The following ICA1 variants were observed in gnomAD, a reference collection of about 807,000 sequenced individuals.
ICA1 encodes 69 kDa islet cell autoantigen.
In ICA1, 40 loss-of-function variants were observed where a neutral mutation model predicts 71.0. The observed-to-expected ratio is 0.56, with a 90% CI of 0.44 to 0.73. ICA1 has a LOEUF of 0.73. Ranked by LOEUF, ICA1 falls within the 30% of genes least tolerant of loss-of-function variation. The pLI, the probability that ICA1 is intolerant of heterozygous loss-of-function variation, is 0.00. For synonymous variants in ICA1, 207 were observed against 209.5 expected (o/e 0.99, Z 0.10); for missense variants, 578 against 576.5 (o/e 1.00, Z -0.03).
Position 8,143,990 on chromosome 7 carries a change from GA to G in ICA1, c.805-19del. ...TGTAAGCTCTTGATCACGAGCCATA[GA>G]AAAATGAAAAAGAAAAAAAAAGAAG... On this transcript the variant is annotated intron_variant, in intron 8 of 13. Coordinates refer to ENST00000402384, the MANE Select transcript of ICA1 (RefSeq NM_001136020.3). The G allele has an allele frequency of 8.4e-7, 1 of 1,195,670 alleles. No homozygotes were observed. The highest frequency in any genetic ancestry group is 1.6e-5 in the African/African-American group (1 of 62,814). 74.1% of individuals were successfully genotyped at this position (1,195,670 alleles called of 1,614,324 possible).
At chr7:8,213,467 G>C (rs1290112419) in intron 6 of ICA1, among the ~76,000 whole-genome samples, 3 of 152,116 alleles carry the variant, frequency 2.0e-5, no homozygotes, top group Non-Finnish European at 4.4e-5. Flanking sequence ...GCAGAAACTG[G>C]TTTAATCCAG....
rs1798764604 is a variant in ICA1, at chr7:8,226,919, A to G, written c.256+1682T>C. ...TCTATATTCTTTTAGAAACACTAAT[A>G]TACGTAGGAAGCATAATTTCTGTTT... On this transcript the variant is annotated intron_variant, in intron 4 of 13. Transcript: ENST00000402384. The surrounding 1 kb of genome is among the most constrained non-coding windows in gnomAD (Gnocchi z 4.4). Among the ~76,000 whole-genome samples, 1 of 152,204 alleles carries G rather than the reference A, an allele frequency of 6.6e-6. No individual in the cohort carries two copies. Among genetic ancestry groups the G allele is most frequent in the African/African-American group, 2.4e-5 (1 of 41,440 alleles).
chr7:8,236,144 A>G, intron 1 of ICA1, 139 bp from the exon 2 acceptor site: 1 of 479,630 alleles, frequency 2.1e-6, no homozygotes. Flanking sequence ...AATGCTGCAC[A>G]CTGGTGATGA....
chr7:8,204,205 C>T (rs1168591761), intron 6 of ICA1, among the ~76,000 whole-genome samples: 1 of 152,204 alleles, frequency 6.6e-6, no homozygotes, highest in African/African-American at 2.4e-5. Flanking sequence ...TCCTCTACCC[C>T]AGAAACCTTT....
chr7:8,218,814 C>G (rs1214961103), intron 5 of ICA1: 2 of 411,918 alleles, frequency 4.9e-6, no homozygotes, highest in Admixed American at 3.7e-5. Flanking sequence ...GGGCCAATCC[C>G]GTGTTCATGG....
chr7:8,254,518 T>C, intron 1 of ICA1, among the ~76,000 whole-genome samples: 1 of 148,198 alleles, frequency 6.7e-6, no homozygotes, highest in East Asian at 2.0e-4. Flanking sequence ...CTAGTTGGCG[T>C]TATTTGAGAA....
At chr7:8,261,075 C>A (rs1471775880) in intron 1 of ICA1, among the ~76,000 whole-genome samples, 2 of 152,178 alleles carry the variant, frequency 1.3e-5, no homozygotes, top group Non-Finnish European at 2.9e-5. Flanking sequence ...GACATATTTT[C>A]CAGGCCTTGA....
In ICA1 at chr7:8,173,232, T is replaced by C. The variant is rs758569490; in HGVS notation, c.580-14580A>G. ...GGACTAGGGAAGGAAATACATAAGA[T>C]GATTCTGAAATATTCGGTTGTACCA... is the stretch of plus-strand genomic sequence containing the variant. On this transcript the variant is annotated intron_variant, in intron 6 of 13. Coordinates refer to ENST00000402384, the MANE Select transcript of ICA1 (RefSeq NM_001136020.3). The surrounding 1 kb of genome is among the most constrained non-coding windows in gnomAD (Gnocchi z 4.0). Among the ~76,000 whole-genome samples, 14 of 152,160 alleles carry C rather than the reference T, an allele frequency of 9.2e-5. No homozygotes were observed. The highest frequency in any genetic ancestry group is 3.4e-4 in the African/African-American group (14 of 41,456).
chr7:8,234,332 G>A lies in ICA1; in HGVS notation c.18-1577C>T, dbSNP rs1801177155. Among the ~76,000 whole-genome samples, 1 of 152,176 alleles carries A rather than the reference G, an allele frequency of 6.6e-6. No individual in the cohort carries two copies. Among genetic ancestry groups the A allele is most frequent in the South Asian group, 2.1e-4 (1 of 4,826 alleles). ...AATATGGCTGGAAAGTTTGCTGATG[G>A]AGTTCCATCCCTCCCCTTGCTTCGT... On this transcript the variant is annotated intron_variant, in intron 2 of 13. Transcript: ENST00000402384. This position sits in a 1 kb window ranked among gnomAD's most constrained non-coding sequence, Gnocchi z 4.5.
At chr7:8,256,052 G>C (rs1810039464) in intron 1 of ICA1, among the ~76,000 whole-genome samples, 1 of 151,864 alleles carries the variant, frequency 6.6e-6, no homozygotes, top group African/African-American at 2.4e-5. Context: ...TAGGATCACA[G>C]ACATGAGCCA....
At chr7:8,221,887 G>C (rs1797211392) in intron 4 of ICA1, among the ~76,000 whole-genome samples, 1 of 152,124 alleles carries the variant, frequency 6.6e-6, no homozygotes, top group South Asian at 2.1e-4. Context: ...TTTTTGGTTG[G>C]AAGTGGGGGT....
At chr7:8,129,891 C>T (rs1323935558) in intron 12 of ICA1, among the ~76,000 whole-genome samples, 6 of 126,228 alleles carry the variant, frequency 4.8e-5, no homozygotes, top group African/African-American at 1.2e-4. Context: ...GTGTGATGTT[C>T]CCCTTCCTGT....
intron 1 of ICA1, among the ~76,000 whole-genome samples, chr7:8,244,629 C>A (rs1266556757): frequency 1.3e-5 from 2 of 152,074 alleles, no homozygotes; most frequent in Admixed American, 6.5e-5. Context: ...GCAACCTACA[C>A]AATGGGAGAA....
intron 3 of ICA1, among the ~76,000 whole-genome samples, chr7:8,232,236 C>A: frequency 6.6e-6 from 1 of 152,182 alleles, no homozygotes; most frequent in Non-Finnish European, 1.5e-5. Flanking sequence ...CTGAGTTCTT[C>A]TTTTAAAAAA....
intron 1 of ICA1, among the ~76,000 whole-genome samples, chr7:8,246,770 G>A (rs1444395306): frequency 1.1e-4 from 16 of 152,232 alleles, no homozygotes; most frequent in East Asian, 1.9e-4. Flanking sequence ...TTTTTGAGAC[G>A]GAGTCTCGCT....
intron 6 of ICA1, among the ~76,000 whole-genome samples, chr7:8,161,655 G>C (rs1803862621): frequency 6.6e-6 from 1 of 152,176 alleles, no homozygotes; most frequent in Non-Finnish European, 1.5e-5. Context: ...ACATATGCAT[G>C]CAAGAGACGT....
intron 6 of ICA1, among the ~76,000 whole-genome samples, chr7:8,184,199 C>T (rs937300752): frequency 2.0e-5 from 3 of 152,286 alleles, no homozygotes; most frequent in African/African-American, 7.2e-5. Context: ...CAGAAAAGTG[C>T]TCAGGTGCAT....
chr7:8,195,997 CA>C (rs1245532077), intron 6 of ICA1, among the ~76,000 whole-genome samples: 3 of 51,448 alleles, frequency 5.8e-5, no homozygotes, highest in Admixed American at 5.4e-4. Flanking sequence ...ACAACAACAA[CA>C]ACACCAACAC....
chr7:8,127,114 G>A (rs73235856), intron 13 of ICA1, among the ~76,000 whole-genome samples: 5,104 of 151,710 alleles, frequency 0.034, 246 homozygotes, highest in African/African-American at 0.12. Flanking sequence ...ACTAGGATTT[G>A]GGATTACAGG....
Sources: gnomAD v4.1 joint callset for allele counts (sites outside exome capture counted in the v4.1 genomes callset) on GRCh38, gnomAD v4.1.1 for gene constraint, Gnocchi (gnomAD v3.1) non-coding constraint, MANE v1.5 for transcripts, NCBI Gene and HGNC (gene_info 2026-07-23, HGNC 2026-07-21) for gene names.